Variants in DRC1 observed in about 807,000 individuals in gnomAD.
DRC1 encodes the protein dynein regulatory complex protein 1.
In DRC1, 74 loss-of-function variants were observed where a neutral mutation model predicts 98.7. The observed-to-expected ratio is 0.75, with a 90% confidence interval of 0.62 to 0.91. The LOEUF (loss-of-function observed/expected upper bound fraction) is 0.91. Among genes scored for constraint, DRC1 ranks in the 40% least tolerant of loss-of-function variants. DRC1 has a pLI of 0.00. For missense variants in DRC1, 875 were observed against 886.0 expected, an observed-to-expected ratio of 0.99 and a Z score of 0.16; for synonymous variants, 336 against 334.1, an observed-to-expected ratio of 1.01 and a Z score of -0.06.
rs775405054 is a variant in DRC1, at chr2:26,402,164, G to A, written c.155+20G>A. On this transcript the variant is annotated intron_variant, in intron 1 of 16. Coordinates refer to ENST00000288710, the MANE Select transcript of DRC1 (RefSeq NM_145038.5). Reference sequence around the variant, plus strand: ...GAGGCGGTGAGCGCGGGGGCGGGCGGGGCGGGATCCGCGCCGCAGGAGCCG... The same window carrying A: ...GAGGCGGTGAGCGCGGGGGCGGGCGAGGCGGGATCCGCGCCGCAGGAGCCG... The A allele has an allele frequency of 1.0e-5, 16 of 1,563,906 alleles. No homozygotes were observed. The highest frequency in any genetic ancestry group is 2.2e-4 in the Middle Eastern group (1 of 4,532).
At chr2:26,453,240 G>T (rs1572387461) in intron 13 of DRC1, 80 bp from the exon 14 acceptor site, 17 of 1,541,364 alleles carry the variant, frequency 1.1e-5, no homozygotes, top group East Asian at 2.3e-5. Flanking sequence ...AACTTTTCTG[G>T]TTTTTCTTCT....
At chr2:26,419,587 A>G (rs915116747) in intron 2 of DRC1, among the ~76,000 whole-genome samples, 10 of 152,338 alleles carry the variant, frequency 6.6e-5, no homozygotes, top group Admixed American at 2.0e-4. Context: ...TCTGTATTCA[A>G]TGAAACTACA....
chr2:26,421,253 T>C, intron 2 of DRC1, 35 bp from the exon 3 acceptor site: 1 of 1,579,778 alleles, frequency 6.3e-7, no homozygotes, highest in Non-Finnish European at 8.7e-7. Flanking sequence ...TACAAAGTGT[T>C]CTAGCTTTGT....
intron 1 of DRC1, among the ~76,000 whole-genome samples, chr2:26,412,998 A>G (rs1303882503): frequency 1.3e-5 from 2 of 152,236 alleles, no homozygotes; most frequent in East Asian, 3.9e-4. Context: ...TAGCCAGGGT[A>G]GTCTCGATCT....
intron 1 of DRC1, among the ~76,000 whole-genome samples, chr2:26,413,235 CTTAA>C (rs1241380221): frequency 6.6e-6 from 1 of 152,136 alleles, no homozygotes; most frequent in Non-Finnish European, 1.5e-5. Context: ...ATTGTTTTCT[CTTAA>C]TTAGTCAGCT....
At chr2:26,439,251 A>G (rs1370758796) in intron 7 of DRC1, among the ~76,000 whole-genome samples, 1 of 151,890 alleles carries the variant, frequency 6.6e-6, no homozygotes, top group East Asian at 1.9e-4. Flanking sequence ...CACATTCTCT[A>G]GGTCTCAGCT....
At chr2:26,438,420 A>G (rs1299293268) in intron 7 of DRC1, among the ~76,000 whole-genome samples, 2 of 152,232 alleles carry the variant, frequency 1.3e-5, no homozygotes, top group African/African-American at 4.8e-5. Flanking sequence ...ATAACTAGAA[A>G]AAGTAAATAA....
chr2:26,404,438 T>C (rs777312253), intron 1 of DRC1, among the ~76,000 whole-genome samples: 4 of 152,208 alleles, frequency 2.6e-5, no homozygotes. Flanking sequence ...GCTGTACAAA[T>C]TTGCTCTAGT....
intron 7 of DRC1, among the ~76,000 whole-genome samples, chr2:26,438,874 G>C (rs1045284948): frequency 1.3e-5 from 2 of 152,142 alleles, no homozygotes; most frequent in Non-Finnish European, 2.9e-5. Context: ...GATTCCACTT[G>C]ATTGCCTTCC....
chr2:26,422,884 G>C (rs1391681741), intron 3 of DRC1, among the ~76,000 whole-genome samples: 1 of 149,710 alleles, frequency 6.7e-6, no homozygotes, highest in East Asian at 2.0e-4. Context: ...TGTGCCACTG[G>C]ACTCCAGCCT....
rs997002505 is a variant in DRC1 at position 26,437,477 on chromosome 2, C to T, written c.889-2901C>T. Among the ~76,000 whole-genome samples the T allele has an allele frequency of 1.6e-4, 25 of 152,354 alleles. 1 individual carries two copies. In the Middle Eastern group the frequency reaches 0.014, roughly 83 times the overall value. On this transcript the variant is annotated intron_variant, in intron 7 of 16. Coordinates refer to ENST00000288710, the MANE Select transcript of DRC1 (RefSeq NM_145038.5). ...CCTGCACTTGGAGCTGCAGGGTCTG[C>T]CCGGCACGATGCTCAGTGCTGACAG...
At position 26,439,030 on chromosome 2, in the gene DRC1, G is replaced by A. The variant is rs956684117; in HGVS notation, c.889-1348G>A. Among the ~76,000 whole-genome samples the A allele has an allele frequency of 2.6e-5, 4 of 152,058 alleles. No individual in the cohort carries two copies. In the East Asian group the frequency reaches 7.7e-4, roughly 29 times the overall value. On this transcript the variant is annotated intron_variant, in intron 7 of 16. Transcript: ENST00000288710. ...TCCTTCCCTGCCTAACATTTTCAGT[G>A]ACCCTCCATTGACTTCAGGATAATG...
intron 10 of DRC1, among the ~76,000 whole-genome samples, chr2:26,445,302 G>A (rs1572380978): frequency 6.6e-6 from 1 of 152,308 alleles, no homozygotes; most frequent in Admixed American, 6.5e-5. Context: ...GCAAAATGGT[G>A]ATATGTTAGA....
intron 13 of DRC1, 30 bp from the exon 14 acceptor site, chr2:26,453,290 G>A (rs1454051933): frequency 1.2e-6 from 2 of 1,613,118 alleles, no homozygotes; most frequent in Admixed American, 1.7e-5. Flanking sequence ...TGTGTCCCCA[G>A]CCCACAGTTG....
intron 7 of DRC1, among the ~76,000 whole-genome samples, chr2:26,435,522 G>A (rs1420019925): frequency 6.6e-6 from 1 of 152,146 alleles, no homozygotes; most frequent in Admixed American, 6.5e-5. Context: ...CATTACCCGG[G>A]TAATAAGCAT....
At chr2:26,418,228 C>G (rs189018523) in intron 2 of DRC1, among the ~76,000 whole-genome samples, 1 of 151,978 alleles carries the variant, frequency 6.6e-6, no homozygotes, top group Admixed American at 6.6e-5. Context: ...TGCCTCTTCC[C>G]GGAGTCTGTC....
Position 26,410,245 on chromosome 2 carries a change from A to ATATTATTAT in DRC1, c.156-4069_156-4061dup, listed in dbSNP as rs10573963. Reference sequence around the variant, plus strand: ...AAAAAGGTAGAAACTTATAGAGAAAATATTATTATTATTATTATTATTATT... The same window carrying ATATTATTAT: ...AAAAAGGTAGAAACTTATAGAGAAAATATTATTATTATTATTATTATTATTATTATTATT... On this transcript the variant is annotated intron_variant, in intron 1 of 16. Coordinates refer to ENST00000288710, the MANE Select transcript of DRC1 (RefSeq NM_145038.5). Among the ~76,000 whole-genome samples the ATATTATTAT allele has an allele frequency of 6.5e-3, 932 of 142,970 alleles. 5 individuals carry two copies. Among genetic ancestry groups the ATATTATTAT allele is most frequent in the South Asian group, 9.2e-3 (41 of 4,478 alleles). The allele number at this position is 142,970 out of a possible 152,430, so 93.8% of individuals were successfully genotyped here.
rs991828454 is a variant in DRC1 at position 26,454,495 on chromosome 2, C to T, written c.1920-152C>T. ...GGCAGGAACGTTGACAATAAGCATGCGTCCTTTCTGAGAACCTGCCACCGT... is the reference window on the plus strand; with the variant it reads ...GGCAGGAACGTTGACAATAAGCATGTGTCCTTTCTGAGAACCTGCCACCGT... On this transcript the variant is annotated intron_variant, in intron 14 of 16. Transcript: ENST00000288710. The surrounding 1 kb of genome is among the most constrained non-coding windows in gnomAD (Gnocchi z 5.2). The T allele has an allele frequency of 2.5e-5, 28 of 1,113,198 alleles. No homozygotes were observed. Among genetic ancestry groups the T allele is most frequent in the African/African-American group, 1.2e-4 (8 of 64,564 alleles). 69.0% of individuals were successfully genotyped at this position (1,113,198 alleles called of 1,614,324 possible).
chr2:26,445,975 T>C (rs1034083003), intron 10 of DRC1, among the ~76,000 whole-genome samples: 5 of 152,110 alleles, frequency 3.3e-5, no homozygotes, highest in African/African-American at 1.2e-4. Flanking sequence ...GTAGTTTTTT[T>C]TAACAGCGTC....
Sources: gnomAD v4.1 joint callset for allele counts (sites outside exome capture counted in the v4.1 genomes callset) on GRCh38, gnomAD v4.1.1 for gene constraint, Gnocchi (gnomAD v3.1) non-coding constraint, MANE v1.5 for transcripts, NCBI Gene and HGNC (gene_info 2026-07-23, HGNC 2026-07-21) for gene names.